Variants in CD38 observed in about 807,000 individuals in gnomAD.
CD38 encodes the protein CD38 molecule, also known as ADP-ribosyl cyclase/cyclic ADP-ribose hydrolase 1.
In CD38, 31 loss-of-function variants were observed where a neutral mutation model predicts 36.3. The ratio of observed to expected loss-of-function variants is 0.85; its 90% CI spans 0.64 to 1.15. The LOEUF (loss-of-function observed/expected upper bound fraction) is 1.15. Among genes scored for constraint, CD38 ranks in the 50% most tolerant of loss-of-function variants. The pLI, the probability that CD38 is intolerant of heterozygous loss-of-function variation, is 0.00. For synonymous variants in CD38, 131 were observed against 135.2 expected (o/e 0.97, Z 0.22); for missense variants, 380 against 371.9 (o/e 1.02, Z -0.18).
At chr4:15,781,598 G>A (rs1367613327) in intron 1 of CD38, among the ~76,000 whole-genome samples, 1 of 152,146 alleles carries the variant, frequency 6.6e-6, no homozygotes, top group African/African-American at 2.4e-5. Context: ...TGGGACCTTG[G>A]TCTTTCTCTT....
intron 1 of CD38, among the ~76,000 whole-genome samples, chr4:15,808,351 A>G (rs3822255): frequency 0.44 from 67,161 of 152,050 alleles, 17,178 homozygotes; most frequent in African/African-American, 0.72. Flanking sequence ...ATACATTGTG[A>G]CCAAGAGACC....
chr4:15,785,189 T>C lies in CD38; in HGVS notation c.233+6542T>C, dbSNP rs1469733480. ...AGTGAGACTATAGGTCTCAGTTACC[T>C]GTGGAAGGAAGGGTAGAGTGGAGTA... On this transcript the variant is annotated intron_variant, in intron 1 of 7. Coordinates refer to ENST00000226279, the MANE Select transcript of CD38 (RefSeq NM_001775.4). 9.2e-5 allele frequency among the ~76,000 whole-genome samples: 14 copies of C among 152,078 alleles called. 1 individual carries two copies. Among genetic ancestry groups the C allele is most frequent in the African/African-American group, 3.1e-4 (13 of 41,404 alleles).
intron 1 of CD38, among the ~76,000 whole-genome samples, chr4:15,785,329 G>A (rs1397347285): frequency 6.6e-6 from 1 of 152,160 alleles, no homozygotes; most frequent in Non-Finnish European, 1.5e-5. Flanking sequence ...CCCCAGAGTG[G>A]ATGAAAAGGC....
At chr4:15,841,227 T>C (rs1334434853) in intron 7 of CD38, among the ~76,000 whole-genome samples, 1 of 152,192 alleles carries the variant, frequency 6.6e-6, no homozygotes, top group African/African-American at 2.4e-5. Flanking sequence ...GAAGCATCTT[T>C]GGAGATTTTT....
chr4:15,822,149 A>T (rs1294728083), intron 2 of CD38, among the ~76,000 whole-genome samples: 1 of 152,178 alleles, frequency 6.6e-6, no homozygotes, highest in East Asian at 1.9e-4. Context: ...CCATCCCTTC[A>T]CGTTAAAAAC....
chr4:15,802,218 GT>G (rs1333469225), intron 1 of CD38, among the ~76,000 whole-genome samples: 4 of 152,046 alleles, frequency 2.6e-5, no homozygotes, highest in African/African-American at 4.8e-5. Context: ...CCACCTAGGA[GT>G]AAATTTAACC....
At chr4:15,810,042 C>G (rs1197965323) in intron 1 of CD38, among the ~76,000 whole-genome samples, 2 of 152,204 alleles carry the variant, frequency 1.3e-5, no homozygotes, top group African/African-American at 4.8e-5. Flanking sequence ...GTAGGGCACA[C>G]TGAAAGCTCG....
chr4:15,784,056 A>G (rs1722759738), intron 1 of CD38, among the ~76,000 whole-genome samples: 1 of 152,250 alleles, frequency 6.6e-6, no homozygotes, highest in Non-Finnish European at 1.5e-5. Context: ...ACCTGGGAAC[A>G]GAGCAACGCA....
Position 15,849,886 on chromosome 4 carries a change from G to C in CD38, c.*1284G>C, listed in dbSNP as rs1269419127. On this transcript the variant is annotated 3_prime_UTR_variant, in exon 8 of 8. Coordinates refer to ENST00000226279, the MANE Select transcript of CD38 (RefSeq NM_001775.4). ...GACGATATATTTTCCCTTGAGTTCT[G>C]CTTTAGCTGCAGCTCTTATGTTTTG... 6.6e-6 allele frequency: 1 copy of C among 152,038 alleles called. No homozygotes were observed. Among genetic ancestry groups the C allele is most frequent in the Non-Finnish European group, 1.5e-5 (1 of 68,012 alleles). The allele number at this position is 152,038 out of a possible 1,614,324, so 9.4% of individuals were successfully genotyped here.
At chr4:15,803,116 C>T (rs1181180155) in intron 1 of CD38, among the ~76,000 whole-genome samples, 1 of 151,956 alleles carries the variant, frequency 6.6e-6, no homozygotes, top group Non-Finnish European at 1.5e-5. Flanking sequence ...AACTAGAGCC[C>T]CATCTATCAT....
intron 3 of CD38, among the ~76,000 whole-genome samples, chr4:15,828,061 C>T (rs1723886407): frequency 6.6e-6 from 1 of 152,184 alleles, no homozygotes; most frequent in Non-Finnish European, 1.5e-5. Flanking sequence ...GTCACCCAGG[C>T]TGAGGTGCAG....
chr4:15,786,934 C>T (rs961194189), intron 1 of CD38, among the ~76,000 whole-genome samples: 5 of 152,254 alleles, frequency 3.3e-5, no homozygotes, highest in Non-Finnish European at 5.9e-5. Flanking sequence ...AGTGGGCCAG[C>T]ACTGCTGGGG....
At chr4:15,792,635 C>T (rs962077051) in intron 1 of CD38, among the ~76,000 whole-genome samples, 4 of 151,758 alleles carry the variant, frequency 2.6e-5, no homozygotes, top group Non-Finnish European at 5.9e-5. Context: ...ATCTATTTAC[C>T]CATTAAAAAA....
intron 2 of CD38, among the ~76,000 whole-genome samples, chr4:15,820,684 T>A (rs556467388): frequency 1.1e-4 from 17 of 152,276 alleles, no homozygotes; most frequent in Admixed American, 7.2e-4. Context: ...CCGAGATTCA[T>A]AAAACAAGTT....
At chr4:15,800,019 G>A (rs1030851297) in intron 1 of CD38, among the ~76,000 whole-genome samples, 1 of 151,896 alleles carries the variant, frequency 6.6e-6, no homozygotes, top group African/African-American at 2.4e-5. Context: ...AGCAGACTCG[G>A]GGGGTATGCC....
rs773693838 is a variant in CD38 at position 15,816,618 on chromosome 4, C to G, written c.341C>G (p.Thr114Ser). 2 of 1,613,950 alleles carry G rather than the reference C, an allele frequency of 1.2e-6. No homozygotes were observed. Among genetic ancestry groups the G allele is most frequent in the Non-Finnish European group, 1.7e-6 (2 of 1,179,896 alleles). The change falls in exon 2 of 8, where the codon ACT becomes AGT. Residue 114 changes from threonine (T) to serine (S), a missense_variant. By Grantham distance (58) the Thr-to-Ser change is moderately conservative. Transcript: ENST00000226279. ...EDYQPLMKLG[T>S]QTVPCNKILL... ...TATCAGCCACTAATGAAGTTGGGAA[C>G]TCAGACCGTACCTTGCAACAAGGTA...
intron 1 of CD38, among the ~76,000 whole-genome samples, chr4:15,815,896 G>C (rs1723584843): frequency 6.6e-6 from 1 of 152,136 alleles, no homozygotes; most frequent in East Asian, 1.9e-4. Flanking sequence ...TATGGGCTAT[G>C]GGTTTTTCAG....
chr4:15,798,754 T>C (rs1723153199), intron 1 of CD38, among the ~76,000 whole-genome samples: 1 of 152,204 alleles, frequency 6.6e-6, no homozygotes, highest in African/African-American at 2.4e-5. Context: ...AATTCTCAAA[T>C]TTAAAAAATG....
At position 15,783,526 on chromosome 4, in the gene CD38, A is replaced by G. The variant is rs1479396194; in HGVS notation, c.233+4879A>G. On this transcript the variant is annotated intron_variant, in intron 1 of 7. Transcript: ENST00000226279. ...GGTGGGGGCCCTGTGGGGAAGGACT[A>G]TTTTATTCACTTCTGCATCTCCAGT... 5.3e-5 allele frequency among the ~76,000 whole-genome samples: 8 copies of G among 152,124 alleles called. No homozygotes were observed. The South Asian group carries it at 8.3e-4, about 16-fold the overall frequency.
Sources: allele counts gnomAD v4.1 joint callset (sites outside exome capture counted in the v4.1 genomes callset), GRCh38; gene constraint gnomAD v4.1.1; transcripts MANE v1.5; gene names NCBI Gene and HGNC (gene_info 2026-07-23, HGNC 2026-07-21).